The following PCNX2 variants were observed in gnomAD, a reference collection of about 807,000 sequenced individuals.
The protein encoded by PCNX2 is pecanex-like protein 2.
In PCNX2, 168 loss-of-function variants were observed where a neutral mutation model predicts 223.8. The ratio of observed to expected loss-of-function variants is 0.75; its 90% confidence interval spans 0.66 to 0.85. The LOEUF is 0.85. Ranked by LOEUF, PCNX2 falls within the 40% of genes least tolerant of loss-of-function variation. The pLI is 0.00. For missense variants in PCNX2, 2,507 were observed against 2,675.5 expected, an observed-to-expected ratio of 0.94 and a Z score of 1.39; for synonymous variants, 1,006 against 1,052.6, an observed-to-expected ratio of 0.96 and a Z score of 0.86.
intron 23 of PCNX2, among the ~76,000 whole-genome samples, chr1:233,081,077 G>A (rs1456350820): frequency 1.3e-5 from 2 of 152,184 alleles, no homozygotes; most frequent in African/African-American, 4.8e-5. Context: ...GGCCGGGTGT[G>A]GTGGCTCATG....
chr1:233,004,773 C>T (rs561428162), intron 28 of PCNX2, among the ~76,000 whole-genome samples: 1 of 152,336 alleles, frequency 6.6e-6, no homozygotes, highest in East Asian at 1.9e-4. Context: ...AAATGTACCA[C>T]TATCATTAAT....
chr1:233,124,159 C>A lies in PCNX2; in HGVS notation c.3837+10854G>T, dbSNP rs544718424. Among the ~76,000 whole-genome samples, 44 of 152,228 alleles carry A rather than the reference C, an allele frequency of 2.9e-4. 1 individual carries two copies. Among genetic ancestry groups the A allele is most frequent in the African/African-American group, 1.0e-3 (43 of 41,540 alleles). On this transcript the variant is annotated intron_variant, in intron 21 of 33. Transcript: ENST00000258229. The stretch of plus-strand genomic sequence containing the variant: ...TCTATACTTTCAAATGACAACCAAG[C>A]GGCTGGTATGTAATCCAGACAAATT...
At chr1:233,156,324 T>C (rs1678121331) in intron 19 of PCNX2, among the ~76,000 whole-genome samples, 1 of 152,244 alleles carries the variant, frequency 6.6e-6, no homozygotes, top group Admixed American at 6.5e-5. Context: ...ATTCAAAGTA[T>C]GCAGAAAGGA....
chr1:233,235,957 A>AATATATATATATATATATAT (rs1553319644), intron 9 of PCNX2, among the ~76,000 whole-genome samples: 16 of 93,072 alleles, frequency 1.7e-4, no homozygotes, highest in African/African-American at 4.7e-4. Flanking sequence ...CATAAAAAAA[A>AATATATATATATATATATAT]ATATATATAT....
chr1:233,118,970 G>A (rs1284219505), intron 21 of PCNX2, among the ~76,000 whole-genome samples: 1 of 152,152 alleles, frequency 6.6e-6, no homozygotes, highest in Non-Finnish European at 1.5e-5. Context: ...TACAACTAAA[G>A]TAATCAAGAC....
chr1:233,320,426 A>G, the PCNX2 span, among the ~76,000 whole-genome samples: 1 of 152,204 alleles, frequency 6.6e-6, no homozygotes, highest in South Asian at 2.1e-4. Context: ...AACCATCATC[A>G]CAGTCAAGAC....
At chr1:233,233,054 T>A in intron 9 of PCNX2, 2 of 983,226 alleles carry the variant, frequency 2.0e-6, no homozygotes, top group Non-Finnish European at 2.4e-6. Flanking sequence ...ATGCTGCCCT[T>A]GGGTAGACTG....
At chr1:233,153,666 A>G (rs1403212455) in intron 19 of PCNX2, among the ~76,000 whole-genome samples, 1 of 152,204 alleles carries the variant, frequency 6.6e-6, no homozygotes, top group East Asian at 1.9e-4. Flanking sequence ...AATCTAAAAT[A>G]CCAAGAAGTA....
At chr1:233,266,153 C>T (rs1216293403) in intron 1 of PCNX2, among the ~76,000 whole-genome samples, 1 of 152,166 alleles carries the variant, frequency 6.6e-6, no homozygotes, top group African/African-American at 2.4e-5. Context: ...AAAGGTTTTA[C>T]AGCATGCTAT....
chr1:232,986,314 G>A lies in PCNX2; in HGVS notation c.6018C>T (p.His2006=). The A allele has an allele frequency of 6.3e-7, 1 of 1,583,976 alleles. No individual in the cohort carries two copies. The highest frequency in any genetic ancestry group is 8.6e-7 in the Non-Finnish European group (1 of 1,165,890). Residue 2006 remains histidine, a synonymous_variant, in exon 33 of 34, where the codon CAC becomes CAT. Transcript: ENST00000258229. ...CCTCGGCCCGCTCACGGACACTCAG[G>A]TGGCCGGTGGTGGTGACGGGCGGGG... is the stretch of plus-strand genomic sequence containing the variant. ...SQPPPVTTTG[H]LSVRERAEAL... is the part of the protein sequence containing the mutation.
intron 23 of PCNX2, among the ~76,000 whole-genome samples, chr1:233,073,473 A>T (rs1204520368): frequency 6.6e-6 from 1 of 151,710 alleles, no homozygotes; most frequent in Admixed American, 6.6e-5. Context: ...TCTTTAAAAA[A>T]TTTTTTTTGA....
intron 19 of PCNX2, among the ~76,000 whole-genome samples, chr1:233,153,101 C>G (rs1677915545): frequency 6.6e-6 from 1 of 152,200 alleles, no homozygotes; most frequent in Admixed American, 6.5e-5. Context: ...AAACCTCAGA[C>G]TTTCTAGCAG....
chr1:233,232,624 T>C (rs901970789), intron 9 of PCNX2, among the ~76,000 whole-genome samples: 26 of 152,246 alleles, frequency 1.7e-4, no homozygotes, highest in African/African-American at 6.0e-4. Flanking sequence ...TACGATATTA[T>C]AATTGATGTC....
intron 12 of PCNX2, chr1:233,210,642 C>T: frequency 1.0e-6 from 1 of 985,372 alleles, no homozygotes; most frequent in Non-Finnish European, 1.2e-6. Flanking sequence ...CTCTTCAATT[C>T]CTACTGCCAC....
In PCNX2 at chr1:233,258,410, A is replaced by C. The variant is rs762565619; in HGVS notation, c.1452T>G (p.Ser484=). Residue 484 remains serine (S), a synonymous_variant, in exon 5 of 34, where the codon TCT becomes TCG. Transcript: ENST00000258229. ...CCGATTCCCAGGGTTCCCGTGATGA[A>C]GAACTGTGATCCTTGATGGCATTTC... ...EGGNAIKDHS[S]SSREPWESVS... The C allele has an allele frequency of 2.3e-5, 37 of 1,613,848 alleles. No homozygotes were observed. Among genetic ancestry groups the C allele is most frequent in the Non-Finnish European group, 3.1e-5 (36 of 1,179,880 alleles).
intron 23 of PCNX2, among the ~76,000 whole-genome samples, chr1:233,081,971 A>G (rs1234669546): frequency 6.6e-6 from 1 of 150,636 alleles, no homozygotes; most frequent in Non-Finnish European, 1.5e-5. Flanking sequence ...GGGCAAATGC[A>G]TTAACTGGCA....
intron 13 of PCNX2, among the ~76,000 whole-genome samples, chr1:233,205,927 G>A (rs2102905504): frequency 6.6e-6 from 1 of 152,290 alleles, no homozygotes; most frequent in East Asian, 1.9e-4. Flanking sequence ...ATGGGCTAAG[G>A]ACTATGAAAG....
chr1:233,217,136 T>C (rs1229714416), intron 12 of PCNX2, among the ~76,000 whole-genome samples: 1 of 152,148 alleles, frequency 6.6e-6, no homozygotes, highest in East Asian at 1.9e-4. Flanking sequence ...CTGAAGATCT[T>C]CTGTATAGTG....
At chr1:233,141,702 T>G (rs1455658330) in intron 19 of PCNX2, among the ~76,000 whole-genome samples, 1 of 97,754 alleles carries the variant, frequency 1.0e-5, no homozygotes, top group Non-Finnish European at 1.8e-5. Flanking sequence ...TATATATGTG[T>G]GTGTATATAT....
Sources: gnomAD v4.1 joint callset for allele counts (sites outside exome capture counted in the v4.1 genomes callset) on GRCh38, gnomAD v4.1.1 for gene constraint, MANE v1.5 for transcripts, NCBI Gene and HGNC (gene_info 2026-07-23, HGNC 2026-07-21) for gene names.